The following ABCC3 variants were observed in gnomAD, a reference collection of about 807,000 sequenced individuals.
ABCC3 encodes the protein ATP binding cassette subfamily C member 3.
Under a neutral mutation model 165.3 loss-of-function variants are expected in ABCC3, and 121 were observed. The ratio of observed to expected loss-of-function variants is 0.73; its 90% CI spans 0.63 to 0.85. The LOEUF (loss-of-function observed/expected upper bound fraction) is 0.85. Ranked by LOEUF, ABCC3 falls within the 40% of genes least tolerant of loss-of-function variation. The pLI is 0.00. For synonymous variants in ABCC3, 733 were observed against 810.1 expected, an observed-to-expected ratio of 0.90 and a Z score of 1.62; for missense variants, 1,869 against 1,964.1, an observed-to-expected ratio of 0.95 and a Z score of 0.92.
At chr17:50,639,677 TGGTACTGC>T (rs1597836427) in intron 1 of ABCC3, among the ~76,000 whole-genome samples, 1 of 151,994 alleles carries the variant, frequency 6.6e-6, no homozygotes, top group African/African-American at 2.4e-5. Flanking sequence ...TTTCTGTTTC[TGGTACTGC>T]GGTGCAGTGG....
intron 4 of ABCC3, among the ~76,000 whole-genome samples, chr17:50,657,692 G>A (rs1321954814): frequency 6.6e-6 from 1 of 152,230 alleles, no homozygotes; most frequent in African/African-American, 2.4e-5. Context: ...CAGGCAAGGA[G>A]AGTAGCAAAG....
chr17:50,654,163 A>T (rs927946063), intron 1 of ABCC3, among the ~76,000 whole-genome samples: 1 of 152,248 alleles, frequency 6.6e-6, no homozygotes, highest in Non-Finnish European at 1.5e-5. Context: ...TGATAAAAAT[A>T]AAAATAATAA....
At position 50,665,173 on chromosome 17, in the gene ABCC3, G is replaced by A. The variant is rs1240575523; in HGVS notation, c.1359G>A (p.Leu453=). ...CTCAGAACCTAGGTCCCTCTGTCCT[G>A]GCTGGAGTCGCTTTCATGGTCTTGC... ...FLWQNLGPSV[L]AGVAFMVLLI... The change falls in exon 11 of 31, where the codon CTG becomes CTA. Residue 453 remains leucine, a synonymous_variant. Transcript: ENST00000285238. The A allele has an allele frequency of 6.2e-7, 1 of 1,614,150 alleles. No homozygotes were observed. Among genetic ancestry groups the A allele is most frequent in the Non-Finnish European group, 8.5e-7 (1 of 1,180,020 alleles).
At chr17:50,662,851 CGA>C (rs1421447694) in intron 8 of ABCC3, among the ~76,000 whole-genome samples, 9 of 151,868 alleles carry the variant, frequency 5.9e-5, no homozygotes, top group African/African-American at 2.2e-4. Context: ...TCCATGTAGT[CGA>C]GAGGAGAGTG....
At chr17:50,687,263 G>A in intron 29 of ABCC3, 2 of 454,970 alleles carry the variant, frequency 4.4e-6, no homozygotes, top group Non-Finnish European at 7.9e-6. Flanking sequence ...CAAGGATGGG[G>A]AAGAAAGCAC....
chr17:50,690,293 A>C (rs1968097913), intron 30 of ABCC3, among the ~76,000 whole-genome samples: 1 of 151,838 alleles, frequency 6.6e-6, no homozygotes, highest in African/African-American at 2.4e-5. Flanking sequence ...AGAGCAATCA[A>C]AAGCCGCTGA....
At chr17:50,685,439 C>A (rs1025860232) in intron 29 of ABCC3, among the ~76,000 whole-genome samples, 3 of 152,022 alleles carry the variant, frequency 2.0e-5, no homozygotes, top group African/African-American at 4.8e-5. Flanking sequence ...TTATGCTGCC[C>A]AATAAAAAAC....
Position 50,667,895 on chromosome 17 carries a change from C to A in ABCC3, c.1668C>A (p.Tyr556Ter). The change falls in exon 13 of 31, where the codon TAC (tyrosine) becomes TAA (stop). Residue 556 changes from tyrosine to a stop codon, truncating the protein, a stop_gained. Coordinates refer to ENST00000285238, the MANE Select transcript of ABCC3 (RefSeq NM_003786.4). LOFTEE classifies it high-confidence loss of function. ...VTLITLWVYV[Y>*]VDPNNVLDAE... ...TGATCACCCTCTGGGTGTACGTGTA[C>A]GTGGACCCAAACAATGTGCTGGACG... 6.2e-7 allele frequency: 1 copy of A among 1,614,130 alleles called. No individual in the cohort carries two copies. Among genetic ancestry groups the A allele is most frequent in the Non-Finnish European group, 8.5e-7 (1 of 1,179,988 alleles).
chr17:50,645,916 C>G (rs754960833), intron 1 of ABCC3, among the ~76,000 whole-genome samples: 23 of 152,154 alleles, frequency 1.5e-4, no homozygotes, highest in Non-Finnish European at 2.5e-4. Flanking sequence ...TTAAGCAAAT[C>G]TTTTTTCTGA....
At chr17:50,677,630 G>A (rs964504879) in intron 23 of ABCC3, 114 bp from the exon 24 acceptor site, 2 of 1,051,946 alleles carry the variant, frequency 1.9e-6, no homozygotes, top group Admixed American at 2.0e-5. Context: ...ATGTCTCGTG[G>A]TGGGAGTGAG....
intron 29 of ABCC3, among the ~76,000 whole-genome samples, chr17:50,686,353 C>T (rs868279443): frequency 1.3e-5 from 2 of 152,264 alleles, no homozygotes; most frequent in South Asian, 2.1e-4. Context: ...AGGGGCAGAG[C>T]GGGGACTCTG....
chr17:50,673,545 TGTCTGAGATGGGCCCGTACCCA>T lies in ABCC3; in HGVS notation c.2488_2509del (p.Ser830ProfsTer42). 2.5e-6 allele frequency: 4 copies of T among 1,614,166 alleles called. No homozygotes were observed. The highest frequency in any genetic ancestry group is 3.4e-6 in the Non-Finnish European group (4 of 1,180,032). The stretch of plus-strand genomic sequence containing the variant: ...ATCATTGTGCTAGCTGATGGACAGG[TGTCTGAGATGGGCCCGTACCCA>T]GCCCTGCTGCAGCGCAACGGCTCCT... On this transcript the variant is annotated frameshift_variant, in exon 19 of 31. Transcript: ENST00000285238. LOFTEE classifies it high-confidence loss of function.
At chr17:50,658,903 A>T (rs985445253) in intron 6 of ABCC3, among the ~76,000 whole-genome samples, 12 of 152,196 alleles carry the variant, frequency 7.9e-5, no homozygotes, top group African/African-American at 2.9e-4. Flanking sequence ...AGCACTGAGG[A>T]AGCACCCGAG....
intron 25 of ABCC3, chr17:50,678,926 G>GA (rs57215419): frequency 1.5e-4 from 22 of 146,410 alleles, no homozygotes; most frequent in East Asian, 3.9e-4. Context: ...TCTCAAGAGA[G>GA]AAAAAAAAAA....
intron 19 of ABCC3, chr17:50,674,443 A>T (rs1967758639): frequency 1.3e-5 from 2 of 152,336 alleles, no homozygotes; most frequent in African/African-American, 4.8e-5. Context: ...TCATGGATAA[A>T]TAGTTTGGCA....
chr17:50,643,849 G>A (rs1010577735), intron 1 of ABCC3, among the ~76,000 whole-genome samples: 9 of 152,142 alleles, frequency 5.9e-5, no homozygotes, highest in Admixed American at 2.0e-4. Flanking sequence ...GATGCCATGG[G>A]GGGGGTCTTG....
intron 1 of ABCC3, among the ~76,000 whole-genome samples, chr17:50,648,390 A>T (rs1567825789): frequency 6.6e-6 from 1 of 152,006 alleles, no homozygotes. Flanking sequence ...GAGATGAAAC[A>T]CCCAAGATAC....
chr17:50,651,066 G>GAAAAAAAAAAA (rs57837230), intron 1 of ABCC3, among the ~76,000 whole-genome samples: 22 of 84,274 alleles, frequency 2.6e-4, no homozygotes, highest in African/African-American at 8.0e-4. Flanking sequence ...CTCCATCTCA[G>GAAAAAAAAAAA]AAAAAAAAAA....
At chr17:50,679,627 G>A (rs1967891489) in intron 25 of ABCC3, 171 bp from the exon 26 acceptor site, 9 of 590,864 alleles carry the variant, frequency 1.5e-5, no homozygotes, top group Non-Finnish European at 2.2e-5. Flanking sequence ...GGAGTCATTC[G>A]TGATTACAGC....
Sources: gnomAD v4.1 joint callset for allele counts (sites outside exome capture counted in the v4.1 genomes callset) on GRCh38, gnomAD v4.1.1 for gene constraint, MANE v1.5 for transcripts, NCBI Gene and HGNC (gene_info 2026-07-23, HGNC 2026-07-21) for gene names.